Variants in CABLES1 observed in about 807,000 individuals in gnomAD.
CABLES1 encodes Cdk5 and Abl enzyme substrate 1.
In CABLES1, 36 loss-of-function variants were observed where a neutral mutation model predicts 57.8. The ratio of observed to expected loss-of-function variants is 0.62; its 90% CI spans 0.48 to 0.82. The LOEUF is 0.82. Among genes scored for constraint, CABLES1 ranks in the 40% least tolerant of loss-of-function variants. CABLES1 has a pLI of 0.00. For missense variants in CABLES1, 767 were observed against 836.6 expected, an observed-to-expected ratio of 0.92 and a Z score of 1.03; for synonymous variants, 374 against 363.0, an observed-to-expected ratio of 1.03 and a Z score of -0.35.
chr18:23,186,515 T>A (rs1260580976), intron 1 of CABLES1, among the ~76,000 whole-genome samples: 1 of 151,560 alleles, frequency 6.6e-6, no homozygotes, highest in African/African-American at 2.4e-5. Context: ...AACCTCTGCC[T>A]CCTGGGTTCA....
chr18:23,236,168 G>A, intron 6 of CABLES1, 117 bp downstream of exon 6: 1 of 1,115,878 alleles, frequency 9.0e-7, no homozygotes, highest in Non-Finnish European at 1.3e-6. Context: ...CAGGTGACAT[G>A]ACTTTTAGGA....
intron 3 of CABLES1, among the ~76,000 whole-genome samples, chr18:23,209,770 A>G (rs567353701): frequency 1.5e-4 from 23 of 152,290 alleles, no homozygotes; most frequent in Non-Finnish European, 3.1e-4. Flanking sequence ...TTTTTGGCAA[A>G]AGAGGAAATA....
intron 1 of CABLES1, among the ~76,000 whole-genome samples, chr18:23,177,284 CCT>C (rs944795379): frequency 6.6e-6 from 1 of 152,080 alleles, no homozygotes; most frequent in Admixed American, 6.6e-5. Context: ...TTCTGCTCAG[CCT>C]CTGTCTAAGG....
intron 2 of CABLES1, among the ~76,000 whole-genome samples, chr18:23,192,309 G>A (rs1416199672): frequency 1.3e-5 from 2 of 152,250 alleles, no homozygotes; most frequent in Non-Finnish European, 2.9e-5. Flanking sequence ...GATGGATGCT[G>A]GTGGCCGCAG....
intron 4 of CABLES1, among the ~76,000 whole-genome samples, chr18:23,228,687 C>A (rs1376771485): frequency 6.7e-6 from 1 of 149,800 alleles, no homozygotes; most frequent in Non-Finnish European, 1.5e-5. Context: ...CCTTTTACCC[C>A]CTCCAGTCAC....
At chr18:23,197,954 G>C (rs568355608) in intron 3 of CABLES1, 2 of 152,196 alleles carry the variant, frequency 1.3e-5, no homozygotes. Flanking sequence ...CAGGCTCTAA[G>C]TTTTTAACAT....
At chr18:23,166,007 A>G (rs1233094492) in intron 1 of CABLES1, among the ~76,000 whole-genome samples, 1 of 152,218 alleles carries the variant, frequency 6.6e-6, no homozygotes, top group Non-Finnish European at 1.5e-5. Context: ...CAGCAGTTCT[A>G]GCAGGGTGTG....
chr18:23,144,377 G>A (rs750749516), intron 1 of CABLES1, among the ~76,000 whole-genome samples: 20 of 152,348 alleles, frequency 1.3e-4, no homozygotes, highest in Admixed American at 4.6e-4. Flanking sequence ...CTAGGTCTTT[G>A]TTTTCATCCA....
intron 1 of CABLES1, among the ~76,000 whole-genome samples, chr18:23,170,381 A>C (rs1239581669): frequency 6.6e-6 from 1 of 152,176 alleles, no homozygotes; most frequent in Non-Finnish European, 1.5e-5. Context: ...CACACAGAAC[A>C]GAGTCCCCTT....
chr18:23,181,389 G>A (rs546002761), intron 1 of CABLES1, among the ~76,000 whole-genome samples: 1 of 151,102 alleles, frequency 6.6e-6, no homozygotes, highest in East Asian at 2.0e-4. Flanking sequence ...CCAGCTACTT[G>A]GGAGGCTGAG....
intron 1 of CABLES1, among the ~76,000 whole-genome samples, chr18:23,157,560 G>T (rs1223397452): frequency 6.6e-6 from 1 of 152,186 alleles, no homozygotes; most frequent in African/African-American, 2.4e-5. Context: ...GGCTCTGAAG[G>T]CCTCTTCCTT....
chr18:23,233,701 A>G (rs1349993821), intron 4 of CABLES1, among the ~76,000 whole-genome samples: 1 of 152,190 alleles, frequency 6.6e-6, no homozygotes, highest in Non-Finnish European at 1.5e-5. Context: ...CAACAGAGCA[A>G]GGCTTCATCC....
At chr18:23,146,687 TAAG>T (rs1189606533) in intron 1 of CABLES1, among the ~76,000 whole-genome samples, 5 of 152,224 alleles carry the variant, frequency 3.3e-5, no homozygotes, top group African/African-American at 1.2e-4. Context: ...CTTAACAGCT[TAAG>T]AAGTACTTTT....
intron 1 of CABLES1, among the ~76,000 whole-genome samples, chr18:23,146,677 C>T (rs2046893344): frequency 6.6e-6 from 1 of 152,280 alleles, no homozygotes; most frequent in Middle Eastern, 3.4e-3. Context: ...TTGTTTGATG[C>T]TTAACAGCTT....
At chr18:23,155,810 C>A in intron 1 of CABLES1, 1 of 1,597,984 alleles carries the variant, frequency 6.3e-7, no homozygotes. Flanking sequence ...CTCAACAGTG[C>A]TTGCTTAGCC....
At chr18:23,234,578 A>AT (rs11430114) in intron 4 of CABLES1, 30 bp from the exon 5 acceptor site, 16,290 of 1,529,842 alleles carry the variant, frequency 0.011, 446 homozygotes, top group East Asian at 0.1. Flanking sequence ...ACACAAAAGC[A>AT]TTTTTTTTTC....
At chr18:23,188,353 A>T (rs1282618551) in intron 1 of CABLES1, among the ~76,000 whole-genome samples, 1 of 152,222 alleles carries the variant, frequency 6.6e-6, no homozygotes, top group Non-Finnish European at 1.5e-5. Flanking sequence ...ATGGCCATCC[A>T]GGGAGCATAA....
intron 2 of CABLES1, among the ~76,000 whole-genome samples, chr18:23,190,972 G>A (rs1037069305): frequency 6.6e-5 from 10 of 151,372 alleles, no homozygotes; most frequent in African/African-American, 2.2e-4. Context: ...GGCTGGGCAC[G>A]GTGGCTCACA....
rs191700026 is a variant in CABLES1 at position 23,140,052 on chromosome 18, G to A, written c.845+3445G>A. Among the ~76,000 whole-genome samples, 710 of 152,244 alleles carry A rather than the reference G, an allele frequency of 4.7e-3. 3 individuals carry two copies. Among genetic ancestry groups the A allele is most frequent in the African/African-American group, 0.015 (622 of 41,542 alleles). ...GGATGGTGGGCCTGGGTTCCTCCCC[G>A]CCTCACAGACGGGACTCCAGCACTG... On this transcript the variant is annotated intron_variant, in intron 1 of 9. Coordinates refer to ENST00000256925, the MANE Select transcript of CABLES1 (RefSeq NM_001100619.3).
Sources: gnomAD v4.1 joint callset for allele counts (sites outside exome capture counted in the v4.1 genomes callset) on GRCh38, gnomAD v4.1.1 for gene constraint, MANE v1.5 for transcripts, NCBI Gene and HGNC (gene_info 2026-07-23, HGNC 2026-07-21) for gene names.